The following TTC39B variants were observed in gnomAD, a reference collection of about 807,000 sequenced individuals.
TTC39B encodes the protein tetratricopeptide repeat domain 39B.
TTC39B carries 92 observed loss-of-function variants against 96.6 expected under a neutral mutation model. The observed-to-expected ratio is 0.95, with a 90% confidence interval of 0.80 to 1.13. The LOEUF (loss-of-function observed/expected upper bound fraction) is 1.13, where lower values mean the gene tolerates loss of function less well. Ranked by LOEUF, TTC39B falls within the 50% of genes most tolerant of loss-of-function variation. TTC39B has a pLI of 0.00. For missense variants in TTC39B, 955 were observed against 809.3 expected (o/e 1.18, Z -2.18); for synonymous variants, 367 against 299.4 (o/e 1.23, Z -2.33).
At chr9:15,294,106 G>C (rs906276181) in intron 1 of TTC39B, among the ~76,000 whole-genome samples, 1 of 152,034 alleles carries the variant, frequency 6.6e-6, no homozygotes, top group Non-Finnish European at 1.5e-5. Context: ...TAAGGTATTT[G>C]CATGTTACTT....
chr9:15,250,879 GACTC>G (rs1472378496), intron 2 of TTC39B, among the ~76,000 whole-genome samples: 1 of 152,124 alleles, frequency 6.6e-6, no homozygotes, highest in Non-Finnish European at 1.5e-5. Context: ...TTTAGTATAG[GACTC>G]ACTAATTTTT....
intron 6 of TTC39B, among the ~76,000 whole-genome samples, chr9:15,204,906 C>G (rs1819757660): frequency 1.3e-5 from 2 of 152,196 alleles, no homozygotes; most frequent in Admixed American, 1.3e-4. Context: ...TCCCAACCAA[C>G]CATTATACTT....
chr9:15,267,837 A>G, intron 2 of TTC39B, 77 bp downstream of exon 2: 1 of 1,355,396 alleles, frequency 7.4e-7, no homozygotes, highest in Non-Finnish European at 1.0e-6. Context: ...AAAAAATGAG[A>G]ATGAAATATT....
intron 6 of TTC39B, among the ~76,000 whole-genome samples, chr9:15,208,105 C>A (rs894404501): frequency 1.3e-5 from 2 of 151,542 alleles, no homozygotes; most frequent in South Asian, 2.1e-4. Context: ...TCTCGGCTCA[C>A]TGCAACCTCC....
intron 2 of TTC39B, among the ~76,000 whole-genome samples, chr9:15,251,668 T>TACACAC (rs397839174): frequency 8.6e-5 from 10 of 116,570 alleles, no homozygotes; most frequent in Admixed American, 3.7e-4. Context: ...TATACGCGCA[T>TACACAC]ACACACACAC....
At chr9:15,263,665 G>A (rs557997782) in intron 2 of TTC39B, among the ~76,000 whole-genome samples, 5 of 152,304 alleles carry the variant, frequency 3.3e-5, no homozygotes, top group African/African-American at 1.2e-4. Context: ...AAAAGGCAAA[G>A]TTTATTAAAA....
At chr9:15,284,588 G>A (rs1177881781) in intron 1 of TTC39B, among the ~76,000 whole-genome samples, 2 of 152,068 alleles carry the variant, frequency 1.3e-5, no homozygotes, top group African/African-American at 2.4e-5. Flanking sequence ...AGTGAAAAAC[G>A]TAATCCTGGG....
In TTC39B at chr9:15,307,152, A is replaced by T; in HGVS notation, c.172T>A (p.Leu58Met). The change falls in exon 1 of 20, where the codon TTG becomes ATG. Residue 58 changes from leucine to methionine, a missense_variant. By Grantham distance (15) the Leu-to-Met change is conservative (BLOSUM62 2). In the 5' UTR this introduces an upstream ATG that the reference lacks. Transcript: ENST00000512701. ...TTCCTCCTCTGGCTGCTGCCACCCA[A>T]AAACCAAGCAGGGAACTCAGAGCCG... The T allele has an allele frequency of 2.5e-6, 4 of 1,605,900 alleles. No homozygotes were observed. Among genetic ancestry groups the T allele is most frequent in the Non-Finnish European group, 3.4e-6 (4 of 1,175,702 alleles).
intron 1 of TTC39B, among the ~76,000 whole-genome samples, chr9:15,276,831 A>T (rs1414463419): frequency 1.3e-5 from 2 of 152,164 alleles, no homozygotes; most frequent in Non-Finnish European, 2.9e-5. Context: ...ATGTGAGATA[A>T]CTCACAGAAC....
chr9:15,276,948 A>G (rs1160524872), intron 1 of TTC39B, among the ~76,000 whole-genome samples: 2 of 152,222 alleles, frequency 1.3e-5, no homozygotes, highest in African/African-American at 2.4e-5. Context: ...ATCCCTAACT[A>G]TACTTCCTCA....
intron 2 of TTC39B, among the ~76,000 whole-genome samples, chr9:15,231,642 CT>C (rs1369555699): frequency 6.6e-6 from 1 of 152,124 alleles, no homozygotes; most frequent in Non-Finnish European, 1.5e-5. Context: ...TTTGTTTATA[CT>C]TTTTCTCTCA....
chr9:15,262,674 A>G (rs920102895), intron 2 of TTC39B, among the ~76,000 whole-genome samples: 4 of 152,190 alleles, frequency 2.6e-5, no homozygotes, highest in Non-Finnish European at 4.4e-5. Flanking sequence ...CATTAGGCAG[A>G]AAAAGAAAAA....
intron 1 of TTC39B, among the ~76,000 whole-genome samples, chr9:15,274,036 T>G (rs1323564567): frequency 6.6e-6 from 1 of 152,072 alleles, no homozygotes; most frequent in Non-Finnish European, 1.5e-5. Flanking sequence ...ACCTGGAGGA[T>G]TCCTCAAATA....
At chr9:15,212,280 T>C (rs1301536981) in intron 4 of TTC39B, among the ~76,000 whole-genome samples, 2 of 151,846 alleles carry the variant, frequency 1.3e-5, no homozygotes, top group African/African-American at 4.8e-5. Flanking sequence ...TTGAGGGCAC[T>C]ATCTGTTCAA....
At chr9:15,167,019 TATATA>T (rs1432993943) in exon 20 of TTC39B, 9 of 9,964 alleles carry the variant, frequency 9.0e-4, no homozygotes, top group African/African-American at 2.4e-3. Flanking sequence ...TATATATATA[TATATA>T]TATATTTTTT....
chr9:15,267,164 G>A (rs1728624726), intron 2 of TTC39B, among the ~76,000 whole-genome samples: 1 of 152,184 alleles, frequency 6.6e-6, no homozygotes, highest in South Asian at 2.1e-4. Context: ...AAGCCAAGAG[G>A]AGAGCCCCTA....
intron 16 of TTC39B, among the ~76,000 whole-genome samples, chr9:15,184,386 T>C (rs1403515008): frequency 6.8e-6 from 1 of 147,028 alleles, no homozygotes; most frequent in Non-Finnish European, 1.5e-5. Context: ...TCTAAATAAC[T>C]GTCAAAGAGG....
chr9:15,186,905 C>T lies in TTC39B; in HGVS notation c.1487+39G>A, dbSNP rs778912016. 3.2e-6 allele frequency: 5 copies of T among 1,584,292 alleles called. No homozygotes were observed. In the South Asian group the frequency reaches 5.6e-5, roughly 18 times the overall value. On this transcript the variant is annotated intron_variant, in intron 15 of 19. Transcript: ENST00000512701. ...AGAGATGAGATTTTGCCCCTTTATA[C>T]CCTCAGAGCCTTTGTTATAGGAATA...
chr9:15,279,995 A>G (rs1251201725), intron 1 of TTC39B, among the ~76,000 whole-genome samples: 1 of 146,912 alleles, frequency 6.8e-6, no homozygotes, highest in African/African-American at 2.5e-5. Context: ...CCCCGGGTTC[A>G]AGCGATTCTC....
Sources: gnomAD v4.1 joint callset for allele counts (sites outside exome capture counted in the v4.1 genomes callset) on GRCh38, gnomAD v4.1.1 for gene constraint, MANE v1.5 for transcripts, NCBI Gene and HGNC (gene_info 2026-07-23, HGNC 2026-07-21) for gene names.